ZNF385B: variants seen among roughly 807,000 people sequenced by gnomAD.
The protein encoded by ZNF385B is zinc finger protein 533.
ZNF385B carries 23 observed loss-of-function variants against 39.2 expected under a neutral mutation model. The observed-to-expected ratio is 0.59, with a 90% CI of 0.42 to 0.83. The LOEUF is 0.83. Among genes scored for constraint, ZNF385B ranks in the 40% least tolerant of loss-of-function variants. The pLI is 0.00. For synonymous variants in ZNF385B, 205 were observed against 222.6 expected, an observed-to-expected ratio of 0.92 and a Z score of 0.70; for missense variants, 552 against 598.9, an observed-to-expected ratio of 0.92 and a Z score of 0.82.
At chr2:179,612,512 A>G (rs2106136809) in intron 3 of ZNF385B, among the ~76,000 whole-genome samples, 1 of 152,090 alleles carries the variant, frequency 6.6e-6, no homozygotes, top group East Asian at 1.9e-4. Context: ...GGTCTTGGAT[A>G]AGATGTAAAA....
At chr2:179,597,170 T>A (rs1340960977) in intron 3 of ZNF385B, among the ~76,000 whole-genome samples, 1 of 152,236 alleles carries the variant, frequency 6.6e-6, no homozygotes, top group East Asian at 1.9e-4. Context: ...TTCCAGCCTC[T>A]ATCCACTTTC....
chr2:179,649,484 T>C (rs1270358871), intron 3 of ZNF385B, among the ~76,000 whole-genome samples: 1 of 152,172 alleles, frequency 6.6e-6, no homozygotes, highest in African/African-American at 2.4e-5. Context: ...AAGAAAAAGC[T>C]TATTGGTTCT....
chr2:179,463,930 T>A (rs1226328428), intron 6 of ZNF385B, among the ~76,000 whole-genome samples: 1 of 152,166 alleles, frequency 6.6e-6, no homozygotes, highest in Non-Finnish European at 1.5e-5. Flanking sequence ...ATTGTCACAC[T>A]GTCTTCCAAT....
intron 3 of ZNF385B, among the ~76,000 whole-genome samples, chr2:179,746,406 C>T (rs1702385697): frequency 6.6e-6 from 1 of 152,002 alleles, no homozygotes; most frequent in Non-Finnish European, 1.5e-5. Flanking sequence ...AAAATAATTC[C>T]ATATATTTGA....
intron 1 of ZNF385B, among the ~76,000 whole-genome samples, chr2:179,792,052 G>A (rs989376073): frequency 4.9e-4 from 75 of 152,076 alleles, no homozygotes; most frequent in African/African-American, 1.6e-3. Context: ...ATGAGCCACC[G>A]TGCCCGGCTT....
At chr2:179,607,275 C>T (rs1276796015) in intron 3 of ZNF385B, among the ~76,000 whole-genome samples, 2 of 152,088 alleles carry the variant, frequency 1.3e-5, no homozygotes, top group African/African-American at 4.8e-5. Flanking sequence ...TTGTAATCCC[C>T]ATGTGTTAGG....
chr2:179,729,124 T>G (rs201399003), intron 3 of ZNF385B, among the ~76,000 whole-genome samples: 17 of 136,580 alleles, frequency 1.2e-4, no homozygotes, highest in African/African-American at 4.7e-4. Flanking sequence ...AAATATTCTA[T>G]TCTCAAAAAA....
chr2:179,838,700 T>C (rs1232673676), intron 1 of ZNF385B, among the ~76,000 whole-genome samples: 1 of 152,066 alleles, frequency 6.6e-6, no homozygotes, highest in African/African-American at 2.4e-5. Flanking sequence ...AAGCAAAAAA[T>C]AGCTAACAAG....
intron 1 of ZNF385B, among the ~76,000 whole-genome samples, chr2:179,791,320 A>T (rs1051522333): frequency 6.6e-6 from 1 of 152,198 alleles, no homozygotes; most frequent in African/African-American, 2.4e-5. Flanking sequence ...TCTTTTAGTG[A>T]CACTGTCATT....
At chr2:179,519,312 T>C (rs533576884) in intron 4 of ZNF385B, among the ~76,000 whole-genome samples, 1 of 152,360 alleles carries the variant, frequency 6.6e-6, no homozygotes, top group East Asian at 1.9e-4. Context: ...TGACTGAATA[T>C]ATATTTTAAA....
At chr2:179,472,395 A>G (rs2052869107) in intron 6 of ZNF385B, among the ~76,000 whole-genome samples, 2 of 152,226 alleles carry the variant, frequency 1.3e-5, no homozygotes, top group Non-Finnish European at 1.5e-5. Context: ...AACTAAGAAC[A>G]ATGATATTGT....
intron 3 of ZNF385B, chr2:179,746,002 T>C: frequency 8.6e-7 from 1 of 1,159,204 alleles, no homozygotes; most frequent in Non-Finnish European, 1.1e-6. Context: ...GCAGAGCAAT[T>C]TCAATTCTAT....
intron 1 of ZNF385B, among the ~76,000 whole-genome samples, chr2:179,860,442 C>T (rs1684952758): frequency 6.6e-6 from 1 of 152,134 alleles, no homozygotes; most frequent in Admixed American, 6.5e-5. Flanking sequence ...ACAGATGGTC[C>T]TCCCCCTCCC....
intron 4 of ZNF385B, among the ~76,000 whole-genome samples, chr2:179,530,733 G>C (rs1284231003): frequency 7.9e-5 from 12 of 152,200 alleles, no homozygotes; most frequent in African/African-American, 2.9e-4. Flanking sequence ...GCAAAGCTAA[G>C]TGGAAATGAA....
chr2:179,640,479 G>A (rs146454749), intron 3 of ZNF385B, among the ~76,000 whole-genome samples: 35 of 152,074 alleles, frequency 2.3e-4, no homozygotes, highest in African/African-American at 7.5e-4. Context: ...TATAGAGTTC[G>A]AGAGAGTAAG....
intron 3 of ZNF385B, among the ~76,000 whole-genome samples, chr2:179,714,725 C>A (rs1700209002): frequency 6.6e-6 from 1 of 151,888 alleles, no homozygotes; most frequent in Non-Finnish European, 1.5e-5. Flanking sequence ...GCGGGCGGAT[C>A]ACCTGAGGTC....
At chr2:179,742,981 C>T (rs1003313302) in intron 3 of ZNF385B, among the ~76,000 whole-genome samples, 20 of 152,040 alleles carry the variant, frequency 1.3e-4, no homozygotes, top group South Asian at 2.1e-4. Context: ...GCTACTAAGA[C>T]TTCAGGCAGA....
intron 5 of ZNF385B, among the ~76,000 whole-genome samples, chr2:179,486,905 G>A (rs955186847): frequency 2.6e-5 from 4 of 152,022 alleles, no homozygotes; most frequent in African/African-American, 9.7e-5. Context: ...AACAGAATGA[G>A]ACTCCGTCTC....
At chr2:179,540,636 G>T (rs1031570023) in intron 4 of ZNF385B, among the ~76,000 whole-genome samples, 2 of 152,126 alleles carry the variant, frequency 1.3e-5, no homozygotes, top group African/African-American at 4.8e-5. Context: ...AAGGAACTGG[G>T]ACCCTTTCCT....
Sources: allele counts gnomAD v4.1 joint callset (sites outside exome capture counted in the v4.1 genomes callset), GRCh38; gene constraint gnomAD v4.1.1; transcripts MANE v1.5; gene names NCBI Gene and HGNC (gene_info 2026-07-23, HGNC 2026-07-21).